Variants in CTTN observed in about 807,000 individuals in gnomAD.
CTTN encodes cortactin, also known as src substrate cortactin.
Under a neutral mutation model 84.0 loss-of-function variants are expected in CTTN, and 28 were observed. The ratio of observed to expected loss-of-function variants is 0.33; its 90% confidence interval spans 0.25 to 0.46. The LOEUF (loss-of-function observed/expected upper bound fraction) is 0.46. CTTN is among the 20% of genes least tolerant of loss of function. The probability of loss-of-function intolerance (pLI) is 1.00; values close to 1 mark genes in which losing one functional copy is unlikely to be tolerated. For synonymous variants in CTTN, 301 were observed against 288.8 expected (o/e 1.04, Z -0.43); for missense variants, 641 against 723.8 (o/e 0.89, Z 1.31).
chr11:70,431,833 G>C (rs1469953357), intron 15 of CTTN, among the ~76,000 whole-genome samples: 2 of 152,002 alleles, frequency 1.3e-5, no homozygotes, highest in Non-Finnish European at 2.9e-5. Flanking sequence ...CTGAGTTACG[G>C]AGCCGCCTGC....
chr11:70,431,838 G>T (rs532166090), intron 15 of CTTN, among the ~76,000 whole-genome samples: 1 of 151,990 alleles, frequency 6.6e-6, no homozygotes, highest in African/African-American at 2.4e-5. Flanking sequence ...TTACGGAGCC[G>T]CCTGCCGATG....
Position 70,431,272 on chromosome 11 carries a change from G to A in CTTN, c.1258G>A (p.Val420Ile), listed in dbSNP as rs145706267. ...PTEERLPSSPVYEDAASFKAE... is the reference protein window; with the variant it reads ...PTEERLPSSPIYEDAASFKAE... ...CGAGGAGAGGCTGCCCTCGAGCCCC[G>A]TCTATGAGGTTGGTGTCTTTGGTGT... The change falls in exon 15 of 18, where the codon GTC becomes ATC. Residue 420 changes from valine (V) to isoleucine (I), a missense_variant. By Grantham distance (29) the Val-to-Ile change is conservative. Transcript: ENST00000301843. 215 of 1,614,092 alleles carry A rather than the reference G, an allele frequency of 1.3e-4. No individual in the cohort carries two copies. Among genetic ancestry groups the A allele is most frequent in the Non-Finnish European group, 1.8e-4 (210 of 1,180,000 alleles).
At chr11:70,413,729 T>A (rs1426497902) in intron 5 of CTTN, among the ~76,000 whole-genome samples, 2 of 152,216 alleles carry the variant, frequency 1.3e-5, no homozygotes, top group East Asian at 3.8e-4. Flanking sequence ...GGCTCCTGCC[T>A]GAACAGGGTG....
At chr11:70,432,268 T>G (rs1005357517) in intron 15 of CTTN, among the ~76,000 whole-genome samples, 1 of 152,140 alleles carries the variant, frequency 6.6e-6, no homozygotes, top group African/African-American at 2.4e-5. Flanking sequence ...GCCATCTGCC[T>G]CAAGGAAGCT....
At chr11:70,420,311 A>G (rs967465047) in intron 9 of CTTN, 89 bp from the exon 10 acceptor site, 2 of 834,374 alleles carry the variant, frequency 2.4e-6, no homozygotes, top group Non-Finnish European at 4.2e-6. Context: ...AGTGAATCAT[A>G]TGCGTTTAAC....
chr11:70,430,014 T>C (rs925965137), intron 14 of CTTN, among the ~76,000 whole-genome samples: 1 of 152,182 alleles, frequency 6.6e-6, no homozygotes, highest in African/African-American at 2.4e-5. Flanking sequence ...GTGTTTAACC[T>C]GTGGATGGCA....
Position 70,435,513 on chromosome 11 carries a change from T to C in CTTN, c.*351T>C. 6.4e-7 allele frequency: 1 copy of C among 1,560,210 alleles called. No individual in the cohort carries two copies. The highest frequency in any genetic ancestry group is 1.3e-5 in the African/African-American group (1 of 74,084). Reference sequence around the variant, plus strand: ...TGTGTTCGTGTTGCCCTCGTGCCCATCAAGTGCAGTCGGGACCTCCCAGGA... The same window carrying C: ...TGTGTTCGTGTTGCCCTCGTGCCCACCAAGTGCAGTCGGGACCTCCCAGGA... On this transcript the variant is annotated 3_prime_UTR_variant, in exon 18 of 18. Coordinates refer to ENST00000301843, the MANE Select transcript of CTTN (RefSeq NM_005231.4).
intron 9 of CTTN, 23 bp from the exon 10 acceptor site, chr11:70,420,377 C>T (rs746918817): frequency 6.6e-7 from 1 of 1,521,120 alleles, no homozygotes; most frequent in East Asian, 2.2e-5. Context: ...ATGATGGGTT[C>T]TGGCCTTTCA....
At chr11:70,429,456 A>G (rs564005482) in intron 14 of CTTN, among the ~76,000 whole-genome samples, 2 of 152,264 alleles carry the variant, frequency 1.3e-5, no homozygotes, top group Admixed American at 6.5e-5. Flanking sequence ...GGACCCGCCA[A>G]CCTGCCCTGC....
chr11:70,420,586 T>TTGTGTCTGCG (rs2058221602), intron 10 of CTTN, 76 bp downstream of exon 10: 2 of 1,068,080 alleles, frequency 1.9e-6, no homozygotes, highest in Non-Finnish European at 2.9e-6. Flanking sequence ...TTGGTATGTG[T>TTGTGTCTGCG]TGTGTCTGCG....
At chr11:70,410,185 T>C in intron 5 of CTTN, 1 of 469,800 alleles carries the variant, frequency 2.1e-6, no homozygotes, top group Non-Finnish European at 3.8e-6. Flanking sequence ...AGCACGGGTG[T>C]TAGTGGGGAG....
chr11:70,423,171 G>A (rs2135583068), intron 12 of CTTN, among the ~76,000 whole-genome samples, 176 bp downstream of exon 12: 1 of 152,226 alleles, frequency 6.6e-6, no homozygotes, highest in South Asian at 2.1e-4. Context: ...TCATGGCCGT[G>A]CTGTGGGATA....
intron 10 of CTTN, among the ~76,000 whole-genome samples, chr11:70,420,721 G>A (rs2058224556): frequency 6.6e-6 from 1 of 152,224 alleles, no homozygotes; most frequent in African/African-American, 2.4e-5. Flanking sequence ...TGGTACCCCA[G>A]AGAGCTGGGT....
intron 14 of CTTN, among the ~76,000 whole-genome samples, chr11:70,429,806 T>C (rs752230232): frequency 6.6e-6 from 1 of 152,118 alleles, no homozygotes; most frequent in Admixed American, 6.5e-5. Context: ...ACAAGGACTT[T>C]CCTTGTGCTC....
At chr11:70,405,839 A>T (rs538949439) in intron 2 of CTTN, among the ~76,000 whole-genome samples, 4 of 151,962 alleles carry the variant, frequency 2.6e-5, no homozygotes, top group African/African-American at 7.2e-5. Context: ...CCCTGCAGGG[A>T]CTCCCATCCT....
At chr11:70,431,507 C>A (rs969756720) in intron 15 of CTTN, among the ~76,000 whole-genome samples, 7 of 152,106 alleles carry the variant, frequency 4.6e-5, no homozygotes, top group African/African-American at 1.7e-4. Flanking sequence ...CATCCTTTCA[C>A]CCCTCTGCAG....
chr11:70,401,045 A>G (rs2057972867), intron 1 of CTTN, among the ~76,000 whole-genome samples: 1 of 152,110 alleles, frequency 6.6e-6, no homozygotes. Context: ...CATTTAAAAC[A>G]TTCTTCTGCC....
intron 12 of CTTN, among the ~76,000 whole-genome samples, chr11:70,425,131 C>G (rs1051608070): frequency 6.6e-6 from 1 of 152,110 alleles, no homozygotes; most frequent in Non-Finnish European, 1.5e-5. Context: ...TGCTGACCCA[C>G]GATTGCCTGC....
chr11:70,410,417 A>G (rs2058085295), intron 5 of CTTN: 1 of 170,844 alleles, frequency 5.9e-6, no homozygotes, highest in African/African-American at 2.4e-5. Context: ...GCGTTCAGTG[A>G]CCATCAGAGC....
Sources: allele counts gnomAD v4.1 joint callset (sites outside exome capture counted in the v4.1 genomes callset), GRCh38; gene constraint gnomAD v4.1.1; transcripts MANE v1.5; gene names NCBI Gene and HGNC (gene_info 2026-07-23, HGNC 2026-07-21).